The following DPP10 variants were observed in gnomAD, a reference collection of about 807,000 sequenced individuals.
The protein encoded by DPP10 is inactive dipeptidyl peptidase 10.
Under a neutral mutation model 120.9 loss-of-function variants are expected in DPP10, and 33 were observed. The observed-to-expected ratio is 0.27, with a 90% confidence interval of 0.21 to 0.37. The LOEUF is 0.37. DPP10 is among the 10% of genes least tolerant of loss of function. DPP10 has a pLI of 1.00. For synonymous variants in DPP10, 337 were observed against 326.1 expected (o/e 1.03, Z -0.36); for missense variants, 816 against 942.8 (o/e 0.87, Z 1.76).
chr2:115,045,938 G>T (rs1705031199), intron 1 of DPP10, among the ~76,000 whole-genome samples: 1 of 152,024 alleles, frequency 6.6e-6, no homozygotes, highest in South Asian at 2.1e-4. Flanking sequence ...CTAATCTTAT[G>T]AGTAATTTTC....
intron 1 of DPP10, among the ~76,000 whole-genome samples, chr2:115,281,390 C>T (rs928963268): frequency 1.3e-5 from 2 of 152,132 alleles, no homozygotes; most frequent in East Asian, 3.9e-4. Context: ...AGTTGTATTT[C>T]AGACACCACA....
At chr2:114,969,185 T>C (rs981858300) in intron 1 of DPP10, among the ~76,000 whole-genome samples, 3 of 152,242 alleles carry the variant, frequency 2.0e-5, no homozygotes, top group Non-Finnish European at 2.9e-5. Context: ...TGATGTCATA[T>C]ACTTGTCACA....
Position 115,495,141 on chromosome 2 carries a change from G to C in DPP10, c.272-4369G>C, listed in dbSNP as rs145769905. Among the ~76,000 whole-genome samples, 257 of 152,092 alleles carry C rather than the reference G, an allele frequency of 1.7e-3. 1 individual carries two copies. The highest frequency in any genetic ancestry group is 6.0e-3 in the African/African-American group (247 of 41,512). ...AGAGTCGGAGTGTCCAGAAGGAGAG[G>C]ATTAAGGCGAAATATGAATAGGGTT... On this transcript the variant is annotated intron_variant, in intron 3 of 25. Transcript: ENST00000410059.
intron 3 of DPP10, among the ~76,000 whole-genome samples, chr2:115,385,897 T>C (rs568469264): frequency 9.7e-4 from 148 of 152,208 alleles, no homozygotes; most frequent in Non-Finnish European, 2.0e-3. Flanking sequence ...AGGTATGATA[T>C]ACATTTTCCT....
intron 1 of DPP10, among the ~76,000 whole-genome samples, chr2:114,990,338 A>G (rs1574645587): frequency 6.6e-6 from 1 of 152,122 alleles, no homozygotes; most frequent in African/African-American, 2.4e-5. Flanking sequence ...TAAAATCCAA[A>G]TTGAAATGTG....
intron 1 of DPP10, among the ~76,000 whole-genome samples, chr2:115,062,849 A>G (rs959467851): frequency 2.6e-5 from 4 of 152,206 alleles, no homozygotes; most frequent in Admixed American, 6.5e-5. Flanking sequence ...TGCAATGAAT[A>G]TATGCATGCA....
intron 7 of DPP10, among the ~76,000 whole-genome samples, chr2:115,698,545 TAAA>T (rs1029942139): frequency 1.3e-5 from 2 of 152,104 alleles, no homozygotes; most frequent in African/African-American, 4.8e-5. Flanking sequence ...ACTGGTGGCT[TAAA>T]AAACAGAGGA....
At chr2:115,793,618 A>T (rs950357844) in intron 19 of DPP10, among the ~76,000 whole-genome samples, 68 of 152,118 alleles carry the variant, frequency 4.5e-4, no homozygotes, top group African/African-American at 1.6e-3. Flanking sequence ...ATAGACAGAC[A>T]CTACTAAAAT....
chr2:115,817,125 G>C (rs960258223), intron 21 of DPP10, among the ~76,000 whole-genome samples: 3 of 151,786 alleles, frequency 2.0e-5, no homozygotes, highest in African/African-American at 7.3e-5. Context: ...GCGGGCGCCT[G>C]TAGTCCCAGC....
chr2:115,648,613 A>T (rs1041005999), intron 5 of DPP10, among the ~76,000 whole-genome samples: 3 of 137,830 alleles, frequency 2.2e-5, no homozygotes, highest in South Asian at 2.2e-4. Context: ...CCCGGAACTT[A>T]AAAAAAAAAA....
intron 1 of DPP10, among the ~76,000 whole-genome samples, chr2:115,001,550 T>A (rs1701439025): frequency 6.6e-6 from 1 of 152,038 alleles, no homozygotes; most frequent in African/African-American, 2.4e-5. Context: ...GACAGAGCAA[T>A]CAGGCAAGAG....
At chr2:115,626,447 A>G (rs2085368197) in intron 5 of DPP10, among the ~76,000 whole-genome samples, 1 of 152,096 alleles carries the variant, frequency 6.6e-6, no homozygotes, top group Non-Finnish European at 1.5e-5. Context: ...AATTCATCTG[A>G]CTTTTCTATA....
At chr2:114,576,099 A>G (rs1233679862) in intron 1 of DPP10, among the ~76,000 whole-genome samples, 1 of 152,264 alleles carries the variant, frequency 6.6e-6, no homozygotes, top group Non-Finnish European at 1.5e-5. Flanking sequence ...ATGTAGAGTT[A>G]TAAAAAGGAA....
chr2:115,462,468 GAAT>G (rs983186452), intron 3 of DPP10, among the ~76,000 whole-genome samples: 6 of 152,120 alleles, frequency 3.9e-5, no homozygotes, highest in Middle Eastern at 3.4e-3. Context: ...TAAAAGGTTA[GAAT>G]CCAAATTCCT....
chr2:115,745,077 T>C (rs1677778332), intron 9 of DPP10, among the ~76,000 whole-genome samples: 1 of 150,410 alleles, frequency 6.6e-6, no homozygotes. Context: ...TTGCTTGAAA[T>C]ATGTCATGAA....
At chr2:114,518,113 C>T (rs1208574751) in intron 1 of DPP10, among the ~76,000 whole-genome samples, 3 of 111,516 alleles carry the variant, frequency 2.7e-5, no homozygotes, top group Non-Finnish European at 5.0e-5. Flanking sequence ...GAGTCCTGCT[C>T]TATCACCCAG....
At chr2:115,840,331 T>G (rs553149384) in intron 24 of DPP10, among the ~76,000 whole-genome samples, 1,772 of 123,296 alleles carry the variant, frequency 0.014, 123 homozygotes, top group African/African-American at 0.049. Flanking sequence ...TTTTTTTTTT[T>G]TTTTTTTTTT....
chr2:115,352,504 T>C (rs752407942), intron 3 of DPP10, among the ~76,000 whole-genome samples: 1 of 152,200 alleles, frequency 6.6e-6, no homozygotes, highest in Non-Finnish European at 1.5e-5. Context: ...TATAGAATAA[T>C]AGATACATTG....
chr2:114,495,971 G>T (rs1454953444), intron 1 of DPP10, among the ~76,000 whole-genome samples: 1 of 151,976 alleles, frequency 6.6e-6, no homozygotes, highest in African/African-American at 2.4e-5. Flanking sequence ...CTTTATATTG[G>T]ACAAGACTGA....
Sources: allele counts gnomAD v4.1 joint callset (sites outside exome capture counted in the v4.1 genomes callset), GRCh38; gene constraint gnomAD v4.1.1; transcripts MANE v1.5; gene names NCBI Gene and HGNC (gene_info 2026-07-23, HGNC 2026-07-21).